The following GALNT13 variants were observed in gnomAD, a reference collection of about 807,000 sequenced individuals.
GALNT13 encodes polypeptide N-acetylgalactosaminyltransferase 13.
A neutral mutation model predicts 64.2 loss-of-function variants in GALNT13; 28 were observed. The observed-to-expected ratio is 0.44, with a 90% CI of 0.32 to 0.60. The LOEUF (loss-of-function observed/expected upper bound fraction) is 0.60. Ranked by LOEUF, GALNT13 falls within the 20% of genes least tolerant of loss-of-function variation. The pLI is 0.05. For missense variants in GALNT13, 577 were observed against 669.8 expected, an observed-to-expected ratio of 0.86 and a Z score of 1.53; for synonymous variants, 214 against 224.6, an observed-to-expected ratio of 0.95 and a Z score of 0.42.
the GALNT13 span, among the ~76,000 whole-genome samples, chr2:153,407,272 G>A: frequency 6.6e-6 from 1 of 152,174 alleles, no homozygotes; most frequent in Non-Finnish European, 1.5e-5. Flanking sequence ...AGATGATTCT[G>A]ATGATGCTTA....
chr2:153,359,338 A>G, the GALNT13 span, among the ~76,000 whole-genome samples: 1 of 152,208 alleles, frequency 6.6e-6, no homozygotes, highest in Admixed American at 6.5e-5. Flanking sequence ...TTGTTAATTC[A>G]TATACTAAGC....
chr2:154,403,407 G>A (rs899326008), intron 10 of GALNT13, among the ~76,000 whole-genome samples: 1 of 151,238 alleles, frequency 6.6e-6, no homozygotes, highest in Non-Finnish European at 1.5e-5. Flanking sequence ...AGTGATCTGA[G>A]ATCACACTGC....
chr2:154,239,441 C>T (rs1486914112), intron 4 of GALNT13, among the ~76,000 whole-genome samples: 1 of 151,876 alleles, frequency 6.6e-6, no homozygotes, highest in African/African-American at 2.4e-5. Context: ...TGATCTTTAC[C>T]TTACTCTTGG....
the GALNT13 span, among the ~76,000 whole-genome samples, chr2:153,579,210 A>C: frequency 3.9e-5 from 6 of 152,166 alleles, no homozygotes; most frequent in Non-Finnish European, 7.3e-5. Flanking sequence ...GATTGATTGG[A>C]AGATCTAACC....
chr2:153,526,951 A>T, the GALNT13 span, among the ~76,000 whole-genome samples: 1 of 152,136 alleles, frequency 6.6e-6, no homozygotes, highest in Non-Finnish European at 1.5e-5. Context: ...GCAGAAGAAG[A>T]AACCCTTAAA....
chr2:154,336,843 C>T (rs972523998), intron 9 of GALNT13, among the ~76,000 whole-genome samples: 9 of 152,014 alleles, frequency 5.9e-5, no homozygotes, highest in Non-Finnish European at 1.0e-4. Context: ...GACTTCTTGA[C>T]TACAAGGTCC....
chr2:153,213,154 C>A, the GALNT13 span, among the ~76,000 whole-genome samples: 2 of 152,174 alleles, frequency 1.3e-5, no homozygotes, highest in Non-Finnish European at 2.9e-5. Context: ...AACCCTGGAA[C>A]TTTATTACTC....
chr2:154,401,846 A>G (rs894514000), intron 10 of GALNT13, among the ~76,000 whole-genome samples: 119 of 152,302 alleles, frequency 7.8e-4, no homozygotes, highest in Non-Finnish European at 5.9e-5. Flanking sequence ...TGAATCTCAC[A>G]GTCATTAATC....
the GALNT13 span, among the ~76,000 whole-genome samples, chr2:153,672,805 C>T: frequency 0.033 from 4,893 of 149,586 alleles, 117 homozygotes; most frequent in Middle Eastern, 0.062. Context: ...CAAAATAGAC[C>T]GCTAGCAAGA....
chr2:154,219,677 C>T (rs1386480618), intron 4 of GALNT13, among the ~76,000 whole-genome samples: 2 of 152,052 alleles, frequency 1.3e-5, no homozygotes, highest in African/African-American at 2.4e-5. Flanking sequence ...CTTCAGAAGG[C>T]ATGGGCCAGG....
chr2:153,746,606 A>G, the GALNT13 span, among the ~76,000 whole-genome samples: 2 of 152,274 alleles, frequency 1.3e-5, no homozygotes, highest in East Asian at 3.9e-4. Context: ...ACATTTTAGT[A>G]CATGTCTTTT....
chr2:154,259,217 G>T (rs939531638), intron 8 of GALNT13, 79 bp downstream of exon 8: 36 of 792,454 alleles, frequency 4.5e-5, no homozygotes, highest in Non-Finnish European at 7.2e-5. Flanking sequence ...GTAATTTACT[G>T]TCAAATCATT....
At chr2:153,320,622 T>C in the GALNT13 span, among the ~76,000 whole-genome samples, 1 of 152,214 alleles carries the variant, frequency 6.6e-6, no homozygotes, top group East Asian at 1.9e-4. Context: ...GCTTTAATGT[T>C]ATTTGCATGG....
chr2:154,430,340 C>T (rs764463781), intron 11 of GALNT13, among the ~76,000 whole-genome samples: 5 of 152,020 alleles, frequency 3.3e-5, no homozygotes, highest in Non-Finnish European at 4.4e-5. Flanking sequence ...TAATCCCAAC[C>T]CTCTTAGATG....
At chr2:154,264,310 C>T (rs1230047647) in intron 8 of GALNT13, among the ~76,000 whole-genome samples, 1 of 151,890 alleles carries the variant, frequency 6.6e-6, no homozygotes, top group Non-Finnish European at 1.5e-5. Flanking sequence ...TGAGAAACTA[C>T]ATAACATACT....
the GALNT13 span, among the ~76,000 whole-genome samples, chr2:153,163,587 A>G: frequency 3.3e-5 from 5 of 152,144 alleles, no homozygotes; most frequent in Non-Finnish European, 7.3e-5. Flanking sequence ...CGAGATTAAC[A>G]AGCTGATTTC....
At chr2:153,334,559 T>A in the GALNT13 span, among the ~76,000 whole-genome samples, 3 of 152,104 alleles carry the variant, frequency 2.0e-5, no homozygotes, top group African/African-American at 7.2e-5. Flanking sequence ...TTTTTTTTTT[T>A]AATTTTGGCA....
At chr2:153,634,694 G>A in the GALNT13 span, among the ~76,000 whole-genome samples, 1 of 151,642 alleles carries the variant, frequency 6.6e-6, no homozygotes, top group African/African-American at 2.4e-5. Context: ...GGGACTACAG[G>A]TGTGCACCAT....
chr2:153,687,197 A>C, the GALNT13 span, among the ~76,000 whole-genome samples: 4 of 151,854 alleles, frequency 2.6e-5, no homozygotes, highest in African/African-American at 9.7e-5. Context: ...CAATTTTTTG[A>C]AATAGTTTCT....
Sources: gnomAD v4.1 joint callset for allele counts (sites outside exome capture counted in the v4.1 genomes callset) on GRCh38, gnomAD v4.1.1 for gene constraint, MANE v1.5 for transcripts, NCBI Gene and HGNC (gene_info 2026-07-23, HGNC 2026-07-21) for gene names.